Variants in SLC35F4 observed in about 807,000 individuals in gnomAD.
The protein encoded by SLC35F4 is chromosome 14 open reading frame 36.
SLC35F4 carries 24 observed loss-of-function variants against 44.2 expected under a neutral mutation model. The observed-to-expected ratio is 0.54, with a 90% CI of 0.39 to 0.76. The LOEUF is 0.76. Among genes scored for constraint, SLC35F4 ranks in the 30% least tolerant of loss-of-function variants. SLC35F4 has a pLI of 0.00. For synonymous variants in SLC35F4, 238 were observed against 223.6 expected, an observed-to-expected ratio of 1.06 and a Z score of -0.57; for missense variants, 562 against 586.1, an observed-to-expected ratio of 0.96 and a Z score of 0.42.
At chr14:57,947,437 C>T (rs1890056409) in intron 1 of SLC35F4, among the ~76,000 whole-genome samples, 1 of 152,030 alleles carries the variant, frequency 6.6e-6, no homozygotes, top group South Asian at 2.1e-4. Flanking sequence ...TTGGATGAGT[C>T]TTTGGGGTCT....
chr14:57,956,097 A>G (rs952506613), intron 1 of SLC35F4, among the ~76,000 whole-genome samples: 12 of 152,242 alleles, frequency 7.9e-5, no homozygotes, highest in African/African-American at 2.7e-4. Context: ...AAAGATATAT[A>G]GACCAATGGA....
At chr14:57,842,145 T>C (rs369138958) in intron 1 of SLC35F4, among the ~76,000 whole-genome samples, 3 of 152,132 alleles carry the variant, frequency 2.0e-5, no homozygotes, top group African/African-American at 7.2e-5. Flanking sequence ...AAGTAATAAA[T>C]AGTAAACAAA....
At chr14:57,730,082 G>C (rs937024421) in intron 1 of SLC35F4, among the ~76,000 whole-genome samples, 1 of 152,166 alleles carries the variant, frequency 6.6e-6, no homozygotes, top group Non-Finnish European at 1.5e-5. Flanking sequence ...GTGGCTGCTG[G>C]GGTACGGGGA....
intron 1 of SLC35F4, among the ~76,000 whole-genome samples, chr14:57,689,134 T>A (rs62005176): frequency 0.15 from 22,849 of 152,112 alleles, 2,110 homozygotes; most frequent in Middle Eastern, 0.22. Flanking sequence ...AATTCAGCAT[T>A]CCACAAAATG....
chr14:57,756,294 G>A (rs537149512), intron 1 of SLC35F4, among the ~76,000 whole-genome samples: 2 of 152,118 alleles, frequency 1.3e-5, no homozygotes, highest in South Asian at 4.2e-4. Flanking sequence ...TTCATTCAGT[G>A]CAAATTTCAA....
chr14:57,656,427 C>T (rs1278388060), intron 1 of SLC35F4, among the ~76,000 whole-genome samples: 1 of 150,440 alleles, frequency 6.6e-6, no homozygotes, highest in Non-Finnish European at 1.5e-5. Flanking sequence ...GATATATATA[C>T]ACACGTATAT....
At chr14:57,834,669 T>C (rs1884717388) in intron 1 of SLC35F4, among the ~76,000 whole-genome samples, 1 of 152,232 alleles carries the variant, frequency 6.6e-6, no homozygotes, top group African/African-American at 2.4e-5. Context: ...AAGAACAATG[T>C]TATTTTTAGA....
At chr14:57,945,446 T>C (rs1280228878) in intron 1 of SLC35F4, among the ~76,000 whole-genome samples, 1 of 60,424 alleles carries the variant, frequency 1.7e-5, no homozygotes, top group Non-Finnish European at 3.0e-5. Flanking sequence ...ATAATGTGTG[T>C]GTGTGTGTGT....
chr14:57,633,739 T>C (rs937361664), intron 1 of SLC35F4, among the ~76,000 whole-genome samples: 1 of 152,140 alleles, frequency 6.6e-6, no homozygotes, highest in Non-Finnish European at 1.5e-5. Context: ...TCCATCACTA[T>C]ATGTCATTTT....
At chr14:57,625,443 A>G (rs8020330) in intron 1 of SLC35F4, among the ~76,000 whole-genome samples, 10,293 of 152,268 alleles carry the variant, frequency 0.068, 996 homozygotes, top group African/African-American at 0.22. Context: ...AAGAATTGGA[A>G]AAAACTACTT....
downstream of SLC35F4, among the ~76,000 whole-genome samples, chr14:57,973,101 T>C (rs1052685901): frequency 7.2e-5 from 11 of 152,216 alleles, no homozygotes. Context: ...ATGCAAACAG[T>C]ACCACTGTCC....
chr14:57,782,631 C>T (rs2140752939), intron 1 of SLC35F4, among the ~76,000 whole-genome samples: 1 of 152,292 alleles, frequency 6.6e-6, no homozygotes, highest in Non-Finnish European at 1.5e-5. Flanking sequence ...GATTTTGTAG[C>T]CACCTCTGGC....
At chr14:57,981,162 T>C (rs937476252) in intron 1 of SLC35F4, among the ~76,000 whole-genome samples, 7 of 152,198 alleles carry the variant, frequency 4.6e-5, no homozygotes, top group African/African-American at 1.7e-4. Context: ...AGCAAAAATG[T>C]CGCTGGTTTC....
intron 6 of SLC35F4, among the ~76,000 whole-genome samples, chr14:57,569,586 G>A (rs534468826): frequency 1.3e-5 from 2 of 152,170 alleles, no homozygotes; most frequent in Non-Finnish European, 2.9e-5. Context: ...TTAACTCATG[G>A]GAGGCATACT....
At chr14:57,575,502 G>T (rs960431062) in intron 4 of SLC35F4, among the ~76,000 whole-genome samples, 2 of 151,474 alleles carry the variant, frequency 1.3e-5, no homozygotes, top group Non-Finnish European at 2.9e-5. Flanking sequence ...AAAAAGATGG[G>T]GAAAAAAAAA....
chr14:57,716,731 G>A (rs1040087816), intron 1 of SLC35F4, among the ~76,000 whole-genome samples: 2 of 151,976 alleles, frequency 1.3e-5, no homozygotes, highest in Admixed American at 6.5e-5. Context: ...ATTTGTATGG[G>A]GAACATTTGA....
intron 1 of SLC35F4, among the ~76,000 whole-genome samples, chr14:57,881,268 CTATTA>C (rs1344463031): frequency 3.9e-5 from 6 of 152,180 alleles, no homozygotes; most frequent in African/African-American, 1.4e-4. Context: ...CTGAACTTAT[CTATTA>C]TGAGTTTATT....
chr14:57,763,022 A>G (rs2077159889), intron 1 of SLC35F4, among the ~76,000 whole-genome samples: 1 of 152,192 alleles, frequency 6.6e-6, no homozygotes, highest in African/African-American at 2.4e-5. Context: ...CTATTTACTT[A>G]TAGAACATTA....
chr14:57,919,924 G>A lies in SLC35F4; in HGVS notation n.282+61989C>T, dbSNP rs183599288. Among the ~76,000 whole-genome samples, 6 of 152,182 alleles carry A rather than the reference G, an allele frequency of 3.9e-5. 1 individual carries two copies. Among genetic ancestry groups the A allele is most frequent in the African/African-American group, 1.4e-4 (6 of 41,514 alleles). ...TAGACGTGGTGATTCTTTTAGACATGGTCATTCTGTACCTCTATAAACCAC... is the reference window on the plus strand; with the variant it reads ...TAGACGTGGTGATTCTTTTAGACATAGTCATTCTGTACCTCTATAAACCAC... On this transcript the variant is annotated intron_variant and non_coding_transcript_variant, in intron 1 of 1. Coordinates refer to the SLC35F4 transcript ENST00000556568.
Sources: allele counts gnomAD v4.1 joint callset (sites outside exome capture counted in the v4.1 genomes callset), GRCh38; gene constraint gnomAD v4.1.1; transcripts MANE v1.5; gene names NCBI Gene and HGNC (gene_info 2026-07-23, HGNC 2026-07-21).